The following PLXNA4 variants were observed in gnomAD, a reference collection of about 807,000 sequenced individuals.
PLXNA4 encodes the protein plexin A4, also known as plexin-A4.
Under a neutral mutation model 191.8 loss-of-function variants are expected in PLXNA4, and 44 were observed. The observed-to-expected ratio is 0.23, with a 90% CI of 0.18 to 0.29. The LOEUF is 0.29. PLXNA4 is among the 10% of genes least tolerant of loss of function. The pLI is 1.00. For missense variants in PLXNA4, 1,800 were observed against 2,488.8 expected, an observed-to-expected ratio of 0.72 and a Z score of 5.89; for synonymous variants, 1,082 against 1,009.5, an observed-to-expected ratio of 1.07 and a Z score of -1.36.
chr7:132,498,545 G>C (rs1798122434), intron 2 of PLXNA4, among the ~76,000 whole-genome samples: 1 of 152,116 alleles, frequency 6.6e-6, no homozygotes, highest in Admixed American at 6.5e-5. Flanking sequence ...CTCCCACCAG[G>C]TCCCTCCCAC....
chr7:132,374,427 A>G (rs917125033), intron 3 of PLXNA4, among the ~76,000 whole-genome samples: 7 of 152,218 alleles, frequency 4.6e-5, no homozygotes, highest in Non-Finnish European at 7.3e-5. Context: ...CAAAACAAGC[A>G]GGGTGTCAAA....
intron 3 of PLXNA4, among the ~76,000 whole-genome samples, chr7:132,460,523 G>A (rs1293697641): frequency 6.6e-6 from 1 of 152,130 alleles, no homozygotes; most frequent in Non-Finnish European, 1.5e-5. Context: ...AGAGGTTCAG[G>A]TGGCAAAGAA....
chr7:132,380,326 A>G (rs1804840825), intron 3 of PLXNA4, among the ~76,000 whole-genome samples: 1 of 152,068 alleles, frequency 6.6e-6, no homozygotes, highest in Non-Finnish European at 1.5e-5. Context: ...AGGCATATTT[A>G]CCCAACACTT....
chr7:132,517,794 T>A (rs1398136732), intron 1 of PLXNA4, among the ~76,000 whole-genome samples: 1 of 151,936 alleles, frequency 6.6e-6, no homozygotes, highest in Non-Finnish European at 1.5e-5. Context: ...CTCAGGGAGG[T>A]AAGTGTGTGT....
chr7:132,346,565 T>C (rs1803253829), intron 3 of PLXNA4, among the ~76,000 whole-genome samples: 2 of 152,188 alleles, frequency 1.3e-5, no homozygotes, highest in Admixed American at 1.3e-4. Context: ...CCTACATTGT[T>C]TTCCCTACTA....
At chr7:132,533,015 C>T (rs1409133574) in intron 1 of PLXNA4, among the ~76,000 whole-genome samples, 1 of 152,204 alleles carries the variant, frequency 6.6e-6, no homozygotes, top group Non-Finnish European at 1.5e-5. Flanking sequence ...CTGGTTGCCA[C>T]CACCACAAAT....
At chr7:132,132,448 TTCTGTTCTGTTCTGTTCTGC>T (rs1159333285) in intron 31 of PLXNA4, among the ~76,000 whole-genome samples, 3,396 of 66,938 alleles carry the variant, frequency 0.051, 165 homozygotes, top group Non-Finnish European at 0.059. Flanking sequence ...TTCTGTTCTG[TTCTGTTCTGTTCTGTTCTGC>T]TCTGCTCTGC....
intron 3 of PLXNA4, among the ~76,000 whole-genome samples, chr7:132,430,272 C>A (rs1033844270): frequency 1.3e-5 from 2 of 152,076 alleles, no homozygotes; most frequent in Admixed American, 1.3e-4. Context: ...AGTCTCTATG[C>A]GGTTAGTACC....
Position 132,576,390 on chromosome 7 carries a change from C to A in PLXNA4, c.-87+32G>T. 6 of 985,778 alleles carry A rather than the reference C, an allele frequency of 6.1e-6. No individual in the cohort carries two copies. The highest frequency in any genetic ancestry group is 7.2e-6 in the Non-Finnish European group (6 of 829,972). 61.1% of individuals were successfully genotyped at this position (985,778 alleles called of 1,614,324 possible). A position where few individuals can be genotyped will look rare whatever the true frequency, so the allele number is the denominator to read the frequency against. ...GACCTTGCTGCCCTCGCCGCCCGCC[C>A]GGCCCCACTCCCCGGCGGGCCGGCT... On this transcript the variant is annotated intron_variant, in intron 1 of 31. Coordinates refer to ENST00000321063, the MANE Select transcript of PLXNA4 (RefSeq NM_020911.2). This position sits in a 1 kb window ranked among gnomAD's most constrained non-coding sequence, Gnocchi z 5.8.
At chr7:132,480,769 G>T (rs886607855) in intron 3 of PLXNA4, among the ~76,000 whole-genome samples, 2 of 152,186 alleles carry the variant, frequency 1.3e-5, no homozygotes, top group Non-Finnish European at 2.9e-5. Context: ...ACTCGGCCAC[G>T]GGATCCAAGC....
intron 3 of PLXNA4, among the ~76,000 whole-genome samples, chr7:132,304,762 T>G (rs1366265982): frequency 1.3e-5 from 2 of 152,214 alleles, no homozygotes; most frequent in Admixed American, 1.3e-4. Flanking sequence ...CATTGAGATT[T>G]TGCAACCACC....
intron 25 of PLXNA4, among the ~76,000 whole-genome samples, chr7:132,156,848 T>C (rs1182041099): frequency 6.6e-6 from 1 of 152,218 alleles, no homozygotes; most frequent in Non-Finnish European, 1.5e-5. Context: ...CCCATTTTTC[T>C]TGCGATGCAA....
intron 3 of PLXNA4, among the ~76,000 whole-genome samples, chr7:132,475,800 G>A (rs1797104864): frequency 6.6e-6 from 1 of 152,192 alleles, no homozygotes; most frequent in African/African-American, 2.4e-5. Context: ...CACACCCAGA[G>A]GAGAAAGAAG....
chr7:132,371,032 G>A (rs1449943155), intron 3 of PLXNA4, among the ~76,000 whole-genome samples: 1 of 152,180 alleles, frequency 6.6e-6, no homozygotes, highest in Non-Finnish European at 1.5e-5. Context: ...CACAAGAAGA[G>A]TGGAAAGGAG....
At chr7:132,573,596 C>G (rs1386874794) in intron 1 of PLXNA4, among the ~76,000 whole-genome samples, 1 of 152,122 alleles carries the variant, frequency 6.6e-6, no homozygotes, top group African/African-American at 2.4e-5. Context: ...GCAGACTCTG[C>G]CGTGCAGATT....
intron 1 of PLXNA4, among the ~76,000 whole-genome samples, chr7:132,565,351 A>G (rs576952355): frequency 1.2e-4 from 19 of 152,160 alleles, no homozygotes; most frequent in Non-Finnish European, 2.6e-4. Flanking sequence ...TACCTCTTCA[A>G]TTGCTCTGAA....
chr7:132,482,097 C>T (rs1374764312), intron 3 of PLXNA4, among the ~76,000 whole-genome samples: 2 of 152,172 alleles, frequency 1.3e-5, no homozygotes, highest in East Asian at 1.9e-4. Context: ...AAACAAAGCC[C>T]TCATGTAGAA....
intron 3 of PLXNA4, among the ~76,000 whole-genome samples, chr7:132,388,152 T>A (rs1057384395): frequency 2.0e-5 from 3 of 152,138 alleles, no homozygotes; most frequent in African/African-American, 7.2e-5. Context: ...CATAAGAGAC[T>A]TCTATCTCAG....
At chr7:132,620,828 C>T (rs1230285928) in intron 2 of PLXNA4, among the ~76,000 whole-genome samples, 1 of 152,134 alleles carries the variant, frequency 6.6e-6, no homozygotes, top group Non-Finnish European at 1.5e-5. Flanking sequence ...CACAGAATAC[C>T]ATCAACCGGG....
Sources: allele counts gnomAD v4.1 joint callset (sites outside exome capture counted in the v4.1 genomes callset), GRCh38; gene constraint gnomAD v4.1.1; non-coding constraint Gnocchi (gnomAD v3.1); transcripts MANE v1.5; gene names NCBI Gene and HGNC (gene_info 2026-07-23, HGNC 2026-07-21).